Variants in PBX3 observed in about 807,000 individuals in gnomAD.
PBX3 encodes the protein PBX homeobox 3.
PBX3 carries 14 observed loss-of-function variants against 48.5 expected under a neutral mutation model. That is an observed-to-expected ratio of 0.29 (90% CI 0.19 to 0.45). PBX3 has a LOEUF of 0.45. PBX3 is among the 20% of genes least tolerant of loss of function. The pLI is 1.00. For synonymous variants in PBX3, 210 were observed against 200.3 expected, an observed-to-expected ratio of 1.05 and a Z score of -0.41; for missense variants, 386 against 546.7, an observed-to-expected ratio of 0.71 and a Z score of 2.93.
At position 125,869,144 on chromosome 9, in the gene PBX3, G is replaced by A. The variant is rs570975238; in HGVS notation, c.275-46542G>A. On this transcript the variant is annotated intron_variant, in intron 2 of 8. Coordinates refer to ENST00000373489, the MANE Select transcript of PBX3 (RefSeq NM_006195.6). ...AACAGGACACCATTAAAAGTAATAAGACAGATGTAAAAAGCAAAGAAAATT... is the reference window on the plus strand; with the variant it reads ...AACAGGACACCATTAAAAGTAATAAAACAGATGTAAAAAGCAAAGAAAATT... Among the ~76,000 whole-genome samples the A allele has an allele frequency of 8.0e-4, 122 of 152,230 alleles. No homozygotes were observed. In the Middle Eastern group the frequency reaches 0.01, roughly 13 times the overall value.
At chr9:125,829,522 CT>C (rs1263263436) in intron 2 of PBX3, among the ~76,000 whole-genome samples, 1 of 152,066 alleles carries the variant, frequency 6.6e-6, no homozygotes, top group Non-Finnish European at 1.5e-5. Context: ...TTGCTTTAAA[CT>C]TTTGTACATA....
chr9:125,764,128 G>T (rs1171991155), intron 2 of PBX3, among the ~76,000 whole-genome samples: 2 of 152,240 alleles, frequency 1.3e-5, no homozygotes, highest in East Asian at 3.8e-4. Context: ...TGCAAGGACA[G>T]GGCGGGGATA....
intron 2 of PBX3, among the ~76,000 whole-genome samples, chr9:125,865,962 AT>A (rs911392415): frequency 2.1e-5 from 3 of 146,102 alleles, no homozygotes; most frequent in African/African-American, 7.6e-5. Flanking sequence ...TTTTCCCCCA[AT>A]TTTTTTCCCC....
At chr9:125,781,683 C>T (rs561324066) in intron 2 of PBX3, among the ~76,000 whole-genome samples, 104 of 152,194 alleles carry the variant, frequency 6.8e-4, no homozygotes, top group African/African-American at 2.4e-3. Flanking sequence ...TTTTTCTGTT[C>T]TGTGTTTTGT....
rs539489688 is a variant in PBX3 at position 125,914,457 on chromosome 9, T to C, written c.275-1229T>C. Reference sequence around the variant, plus strand: ...ATTCAGGGCATCTAGGAATGAAATCTGTTCTTAAAAGAATTGACGGTAGCT... The same window carrying C: ...ATTCAGGGCATCTAGGAATGAAATCCGTTCTTAAAAGAATTGACGGTAGCT... On this transcript the variant is annotated intron_variant, in intron 2 of 8. Transcript: ENST00000373489. Among the ~76,000 whole-genome samples, 13 of 152,356 alleles carry C rather than the reference T, an allele frequency of 8.5e-5. No individual in the cohort carries two copies. In the South Asian group the frequency reaches 1.0e-3, roughly 12 times the overall value.
intron 2 of PBX3, among the ~76,000 whole-genome samples, chr9:125,802,719 C>A (rs548625153): frequency 6.6e-6 from 1 of 151,738 alleles, no homozygotes; most frequent in African/African-American, 2.4e-5. Flanking sequence ...CTCTCCGTTG[C>A]CCAGGCTGGG....
chr9:125,866,550 A>G (rs1839985593), intron 2 of PBX3, among the ~76,000 whole-genome samples: 1 of 152,168 alleles, frequency 6.6e-6, no homozygotes, highest in South Asian at 2.1e-4. Context: ...CTCTCTGCCT[A>G]GATTGTAAGA....
intron 5 of PBX3, among the ~76,000 whole-genome samples, chr9:125,941,823 A>C (rs1362844775): frequency 6.6e-6 from 1 of 152,218 alleles, no homozygotes; most frequent in African/African-American, 2.4e-5. Context: ...GCTAATTTAC[A>C]TTGATTATTC....
intron 2 of PBX3, among the ~76,000 whole-genome samples, chr9:125,871,549 AT>A (rs1397274150): frequency 6.6e-6 from 1 of 152,212 alleles, no homozygotes; most frequent in Non-Finnish European, 1.5e-5. Context: ...AGAGCAAGGT[AT>A]AACAGAAAAC....
chr9:125,965,738 T>C, intron 8 of PBX3, 93 bp from the exon 9 acceptor site: 1 of 925,250 alleles, frequency 1.1e-6, no homozygotes. Context: ...TGCTAATGCA[T>C]CTCTGCTCTC....
At chr9:125,878,755 A>G (rs1285376329) in intron 2 of PBX3, among the ~76,000 whole-genome samples, 3 of 152,224 alleles carry the variant, frequency 2.0e-5, no homozygotes, top group Non-Finnish European at 4.4e-5. Flanking sequence ...AATTTGTAGG[A>G]ATTAGCTTGG....
In PBX3 at chr9:125,935,747, G is replaced by A. The variant is rs1841822314; in HGVS notation, c.843+140G>A. 10 of 908,396 alleles carry A rather than the reference G, an allele frequency of 1.1e-5. No homozygotes were observed. The South Asian group carries it at 2.1e-4, about 19-fold the overall frequency. 56.3% of individuals were successfully genotyped at this position (908,396 alleles called of 1,614,324 possible). A position where few individuals can be genotyped will look rare whatever the true frequency, so the allele number is the denominator to read the frequency against. On this transcript the variant is annotated intron_variant, in intron 5 of 8. Coordinates refer to ENST00000373489, the MANE Select transcript of PBX3 (RefSeq NM_006195.6). ...TAAGGAAAATGTAGATATTTCCACA[G>A]TTTTAGGCAAGATTTTAAACCTTAG...
chr9:125,847,718 C>CTT (rs34330364), intron 2 of PBX3, among the ~76,000 whole-genome samples: 6 of 140,202 alleles, frequency 4.3e-5, no homozygotes, highest in East Asian at 4.1e-4. Context: ...TAGTTTCCAA[C>CTT]TTTTTTTTTT....
intron 2 of PBX3, among the ~76,000 whole-genome samples, chr9:125,820,273 C>G (rs960463427): frequency 6.6e-6 from 1 of 152,094 alleles, no homozygotes; most frequent in Non-Finnish European, 1.5e-5. Context: ...TTTGCTTCAC[C>G]CAAATAGATT....
chr9:125,956,937 A>G (rs1052406481), intron 5 of PBX3, among the ~76,000 whole-genome samples: 2 of 152,178 alleles, frequency 1.3e-5, no homozygotes, highest in Admixed American at 1.3e-4. Context: ...GAGGGGCCCC[A>G]TGACCTGCAG....
In PBX3 at chr9:125,853,044, A is replaced by C. The variant is rs1839625867; in HGVS notation, c.275-62642A>C. ...AGTGTCTAAAAACATTCTTTTTCTC[A>C]ACTTGCAGGACTGTCCAGTGGAGTC... On this transcript the variant is annotated intron_variant, in intron 2 of 8. Transcript: ENST00000373489. Among the ~76,000 whole-genome samples, 6 of 150,550 alleles carry C rather than the reference A, an allele frequency of 4.0e-5. No homozygotes were observed. The South Asian group carries it at 1.2e-3, about 31-fold the overall frequency.
At chr9:125,842,971 T>G (rs907186183) in intron 2 of PBX3, among the ~76,000 whole-genome samples, 3 of 152,166 alleles carry the variant, frequency 2.0e-5, no homozygotes, top group Non-Finnish European at 4.4e-5. Context: ...AGTTCTAGCT[T>G]TGTACTGAGT....
intron 5 of PBX3, among the ~76,000 whole-genome samples, chr9:125,950,130 A>G (rs915435725): frequency 6.6e-6 from 1 of 152,214 alleles, no homozygotes; most frequent in Non-Finnish European, 1.5e-5. Flanking sequence ...GGCACCCCTC[A>G]GCACGTGTTT....
intron 2 of PBX3, among the ~76,000 whole-genome samples, chr9:125,911,734 G>A (rs1008283207): frequency 1.6e-4 from 24 of 151,956 alleles, no homozygotes; most frequent in African/African-American, 5.3e-4. Context: ...ATAATTTGGG[G>A]CCTAAATTTA....
Sources: gnomAD v4.1 joint callset for allele counts (sites outside exome capture counted in the v4.1 genomes callset) on GRCh38, gnomAD v4.1.1 for gene constraint, MANE v1.5 for transcripts, NCBI Gene and HGNC (gene_info 2026-07-23, HGNC 2026-07-21) for gene names.